The following RIT2 variants were observed in gnomAD, a reference collection of about 807,000 sequenced individuals.
The protein encoded by RIT2 is Ras like without CAAX 2, also known as GTP-binding protein Rit2.
RIT2 carries 24 observed loss-of-function variants against 23.7 expected under a neutral mutation model. The ratio of observed to expected loss-of-function variants is 1.01; its 90% CI spans 0.73 to 1.43. The LOEUF is 1.43. Among genes scored for constraint, RIT2 ranks in the 40% most tolerant of loss-of-function variants. The probability of loss-of-function intolerance (pLI) is 0.00; values close to 1 mark genes in which losing one functional copy is unlikely to be tolerated. For synonymous variants in RIT2, 107 were observed against 91.1 expected, an observed-to-expected ratio of 1.17 and a Z score of -0.99; for missense variants, 236 against 266.9, an observed-to-expected ratio of 0.88 and a Z score of 0.81.
intron 1 of RIT2, among the ~76,000 whole-genome samples, chr18:43,040,317 G>A (rs1051729159): frequency 2.6e-5 from 4 of 152,150 alleles, no homozygotes; most frequent in African/African-American, 9.7e-5. Flanking sequence ...GTATAAGAAC[G>A]CTATTTCCTA....
chr18:42,949,161 C>T (rs1012465738), intron 3 of RIT2: 4 of 395,170 alleles, frequency 1.0e-5, no homozygotes, highest in African/African-American at 8.3e-5. Context: ...CTGAACTATA[C>T]CACATATCTT....
intron 3 of RIT2, among the ~76,000 whole-genome samples, chr18:42,956,212 A>C (rs186732107): frequency 7.2e-4 from 109 of 152,270 alleles, no homozygotes; most frequent in African/African-American, 2.4e-3. Context: ...CCAAAAGAGC[A>C]ATGCTAATCT....
At chr18:43,091,719 A>G (rs1329423521) in intron 1 of RIT2, among the ~76,000 whole-genome samples, 1 of 152,046 alleles carries the variant, frequency 6.6e-6, no homozygotes, top group African/African-American at 2.4e-5. Context: ...AAATTGCATT[A>G]TATGCTCCAA....
chr18:43,099,842 T>A lies in RIT2; in HGVS notation c.103+15575A>T, dbSNP rs567839361. On this transcript the variant is annotated intron_variant, in intron 1 of 4. Transcript: ENST00000326695. ...CGCTCTCCTATCAATCACTAAATGC[T>A]TTTGGCATTTCTTTCAAAATATAAC... Among the ~76,000 whole-genome samples, 3 of 152,270 alleles carry A rather than the reference T, an allele frequency of 2.0e-5. No individual in the cohort carries two copies. The South Asian group carries it at 6.2e-4, about 32-fold the overall frequency.
intron 4 of RIT2, among the ~76,000 whole-genome samples, chr18:42,842,723 A>G (rs1398683450): frequency 6.6e-6 from 1 of 152,188 alleles, no homozygotes; most frequent in Non-Finnish European, 1.5e-5. Flanking sequence ...CGATGCCACA[A>G]GTGGAAAATT....
chr18:42,906,009 T>C (rs867597319), intron 4 of RIT2, among the ~76,000 whole-genome samples: 1 of 128,582 alleles, frequency 7.8e-6, no homozygotes, highest in Non-Finnish European at 1.6e-5. Flanking sequence ...TATATATACA[T>C]ATATATATAT....
At chr18:42,921,746 G>T (rs1392040920) in intron 4 of RIT2, among the ~76,000 whole-genome samples, 1 of 152,024 alleles carries the variant, frequency 6.6e-6, no homozygotes, top group African/African-American at 2.4e-5. Context: ...AGAGGTTTTT[G>T]TTCTCCAGGA....
chr18:42,843,377 T>A (rs531966618), intron 4 of RIT2, among the ~76,000 whole-genome samples: 10 of 152,330 alleles, frequency 6.6e-5, no homozygotes, highest in Admixed American at 2.6e-4. Flanking sequence ...GTTTCCCTAC[T>A]AAGATATCAA....
At chr18:42,857,235 A>G (rs1013060453) in intron 4 of RIT2, among the ~76,000 whole-genome samples, 2 of 152,314 alleles carry the variant, frequency 1.3e-5, no homozygotes, top group Middle Eastern at 3.4e-3. Context: ...ACAGCAAAAC[A>G]TTATGTGTCC....
chr18:42,914,569 C>T (rs971757493), intron 4 of RIT2, among the ~76,000 whole-genome samples: 4 of 151,800 alleles, frequency 2.6e-5, no homozygotes, highest in Non-Finnish European at 4.4e-5. Context: ...ATATAATAAT[C>T]AAAAATAAAA....
intron 4 of RIT2, among the ~76,000 whole-genome samples, chr18:42,769,880 A>AT (rs57289304): frequency 1.9e-4 from 28 of 149,020 alleles, no homozygotes; most frequent in Non-Finnish European, 3.3e-4. Flanking sequence ...AATAATAATA[A>AT]AGATATACCA....
At chr18:43,008,589 T>G (rs1568054325) in intron 2 of RIT2, among the ~76,000 whole-genome samples, 1 of 147,414 alleles carries the variant, frequency 6.8e-6, no homozygotes, top group Admixed American at 6.8e-5. Context: ...CAATAAAAAG[T>G]AAAAAAAAAA....
chr18:42,989,529 G>A (rs1461424089), intron 2 of RIT2, among the ~76,000 whole-genome samples: 1 of 152,040 alleles, frequency 6.6e-6, no homozygotes, highest in Non-Finnish European at 1.5e-5. Context: ...CAAGCAATAT[G>A]GAAAAATATT....
At chr18:42,974,239 T>G in intron 2 of RIT2, 92 bp from the exon 3 acceptor site, 1 of 784,874 alleles carries the variant, frequency 1.3e-6, no homozygotes, top group Non-Finnish European at 2.1e-6. Context: ...CTAAGTAAGT[T>G]ACTAAGATAA....
At chr18:42,927,877 T>C (rs960834092) in intron 3 of RIT2, among the ~76,000 whole-genome samples, 3 of 152,054 alleles carry the variant, frequency 2.0e-5, no homozygotes, top group Non-Finnish European at 4.4e-5. Context: ...GAATTTTTGA[T>C]GTATCTCATA....
At position 43,072,956 on chromosome 18, in the gene RIT2, C is replaced by A. The variant is rs545994830; in HGVS notation, c.104-39089G>T. On this transcript the variant is annotated intron_variant, in intron 1 of 4. Coordinates refer to ENST00000326695, the MANE Select transcript of RIT2 (RefSeq NM_002930.4). Reference sequence around the variant, plus strand: ...TCAAGCTGCCTTACACACTCTAGCTCCCTCTTCTCTCTGAATCATGCTCCC... The same window carrying A: ...TCAAGCTGCCTTACACACTCTAGCTACCTCTTCTCTCTGAATCATGCTCCC... Among the ~76,000 whole-genome samples the A allele has an allele frequency of 3.3e-5, 5 of 152,276 alleles. No homozygotes were observed. The East Asian group carries it at 9.7e-4, about 29-fold the overall frequency.
intron 1 of RIT2, 142 bp downstream of exon 1, chr18:43,115,275 G>T: frequency 1.0e-6 from 1 of 1,004,910 alleles, no homozygotes; most frequent in Non-Finnish European, 1.5e-6. Context: ...CTGACACTTT[G>T]GAGCATCCTG....
chr18:42,876,497 G>T (rs1907746821), intron 4 of RIT2, among the ~76,000 whole-genome samples: 1 of 151,672 alleles, frequency 6.6e-6, no homozygotes, highest in South Asian at 2.1e-4. Context: ...TCAATTTCAT[G>T]CCTCTTTGCT....
chr18:42,954,580 A>T (rs1216186516), intron 3 of RIT2, among the ~76,000 whole-genome samples: 1 of 152,012 alleles, frequency 6.6e-6, no homozygotes, highest in South Asian at 2.1e-4. Context: ...AGCTCCATAT[A>T]ATGTAGACTT....
Sources: allele counts gnomAD v4.1 joint callset (sites outside exome capture counted in the v4.1 genomes callset), GRCh38; gene constraint gnomAD v4.1.1; transcripts MANE v1.5; gene names NCBI Gene and HGNC (gene_info 2026-07-23, HGNC 2026-07-21).